The following SPOCK1 variants were observed in gnomAD, a reference collection of about 807,000 sequenced individuals.
SPOCK1 encodes testican-1.
In SPOCK1, 23 loss-of-function variants were observed where a neutral mutation model predicts 55.3. That is an observed-to-expected ratio of 0.42 (90% confidence interval 0.30 to 0.59). The LOEUF (loss-of-function observed/expected upper bound fraction) is 0.59, where lower values mean the gene tolerates loss of function less well. SPOCK1 is among the 20% of genes least tolerant of loss of function. The pLI, the probability that SPOCK1 is intolerant of heterozygous loss-of-function variation, is 0.22. For missense variants in SPOCK1, 499 were observed against 552.5 expected, an observed-to-expected ratio of 0.90 and a Z score of 0.97; for synonymous variants, 226 against 221.0, an observed-to-expected ratio of 1.02 and a Z score of -0.20.
chr5:137,491,061 G>A (rs1219524818), intron 2 of SPOCK1, among the ~76,000 whole-genome samples: 1 of 152,126 alleles, frequency 6.6e-6, no homozygotes, highest in African/African-American at 2.4e-5. Context: ...GCCACTCAAA[G>A]ATCACAAGTA....
intron 3 of SPOCK1, among the ~76,000 whole-genome samples, chr5:137,176,502 A>G (rs908670850): frequency 2.0e-5 from 3 of 150,412 alleles, no homozygotes; most frequent in South Asian, 2.1e-4. Flanking sequence ...CCCCACCACA[A>G]TGTGTGTGTG....
At chr5:137,316,204 G>A (rs2127144662) in intron 2 of SPOCK1, among the ~76,000 whole-genome samples, 1 of 152,358 alleles carries the variant, frequency 6.6e-6, no homozygotes, top group South Asian at 2.1e-4. Flanking sequence ...ATGCTACTGT[G>A]TGAAGCCTCT....
intron 2 of SPOCK1, among the ~76,000 whole-genome samples, chr5:137,425,815 T>C (rs755555841): frequency 2.0e-5 from 3 of 152,214 alleles, no homozygotes; most frequent in South Asian, 2.1e-4. Flanking sequence ...CACTATATTA[T>C]AGAATAGAAA....
At chr5:137,285,665 A>G (rs924213878) in intron 2 of SPOCK1, among the ~76,000 whole-genome samples, 6 of 152,350 alleles carry the variant, frequency 3.9e-5, no homozygotes, top group African/African-American at 1.2e-4. Context: ...GACATGAAAC[A>G]TGGAGCTGCC....
At chr5:137,079,829 C>G (rs546531488) in intron 5 of SPOCK1, among the ~76,000 whole-genome samples, 7 of 152,144 alleles carry the variant, frequency 4.6e-5, no homozygotes, top group Non-Finnish European at 1.0e-4. Context: ...GGACATGACC[C>G]TGACCACTCC....
chr5:137,248,796 T>C (rs770230636), intron 3 of SPOCK1, among the ~76,000 whole-genome samples: 1 of 152,240 alleles, frequency 6.6e-6, no homozygotes, highest in Non-Finnish European at 1.5e-5. Flanking sequence ...TAGACATCAA[T>C]TAATGTATAA....
intron 2 of SPOCK1, among the ~76,000 whole-genome samples, chr5:137,370,420 T>C (rs1398351250): frequency 6.6e-6 from 1 of 152,112 alleles, no homozygotes; most frequent in African/African-American, 2.4e-5. Context: ...CTAACAGGCA[T>C]TGGATGTCAA....
intron 3 of SPOCK1, among the ~76,000 whole-genome samples, chr5:137,155,697 CTG>C (rs1226493161): frequency 6.6e-6 from 1 of 152,228 alleles, no homozygotes; most frequent in Non-Finnish European, 1.5e-5. Context: ...AGATGTGTCT[CTG>C]TGTAATTCAA....
At chr5:137,455,953 A>C (rs1753357769) in intron 2 of SPOCK1, among the ~76,000 whole-genome samples, 3 of 152,106 alleles carry the variant, frequency 2.0e-5, no homozygotes, top group Admixed American at 6.5e-5. Context: ...ACTTGAGCCC[A>C]AGGATCCAAG....
At chr5:137,403,651 A>G (rs972356800) in intron 2 of SPOCK1, among the ~76,000 whole-genome samples, 3 of 146,174 alleles carry the variant, frequency 2.1e-5, no homozygotes, top group African/African-American at 7.6e-5. Flanking sequence ...TTGGTGAGGA[A>G]GTGAGAGAAT....
chr5:137,345,827 T>C (rs1256642163), intron 2 of SPOCK1, among the ~76,000 whole-genome samples: 1 of 152,160 alleles, frequency 6.6e-6, no homozygotes, highest in African/African-American at 2.4e-5. Flanking sequence ...GGAAGCCTCA[T>C]CTCTAAAAAG....
chr5:137,207,845 A>G (rs1292006739), intron 3 of SPOCK1, among the ~76,000 whole-genome samples: 1 of 152,150 alleles, frequency 6.6e-6, no homozygotes, highest in Admixed American at 6.5e-5. Flanking sequence ...ATTGGTTATT[A>G]TTTTTAATTA....
intron 3 of SPOCK1, among the ~76,000 whole-genome samples, chr5:137,242,722 G>GCT (rs1243206093): frequency 1.3e-5 from 2 of 152,060 alleles, no homozygotes; most frequent in East Asian, 3.9e-4. Flanking sequence ...TGGGTGACAG[G>GCT]GTGAAACCCT....
intron 5 of SPOCK1, among the ~76,000 whole-genome samples, chr5:137,093,295 TGAA>T (rs140536725): frequency 3.3e-5 from 5 of 152,308 alleles, no homozygotes; most frequent in Non-Finnish European, 7.4e-5. Context: ...CACTGGGGGC[TGAA>T]GAAGGGCAGG....
intron 2 of SPOCK1, among the ~76,000 whole-genome samples, chr5:137,288,409 T>C (rs141105146): frequency 1.3e-5 from 2 of 152,302 alleles, no homozygotes; most frequent in African/African-American, 4.8e-5. Context: ...ACCAGCACAG[T>C]GTCCTGAATC....
At chr5:137,480,816 C>T (rs1294739019) in intron 2 of SPOCK1, among the ~76,000 whole-genome samples, 1 of 152,052 alleles carries the variant, frequency 6.6e-6, no homozygotes, top group African/African-American at 2.4e-5. Flanking sequence ...TACCTCCTGG[C>T]TAAGGAGAAG....
rs376600223 is a variant in SPOCK1, at chr5:136,987,940, C to CT, written c.928+481dup. 2.4e-3 allele frequency among the ~76,000 whole-genome samples: 371 copies of CT among 152,280 alleles called. 2 individuals carry two copies. Among genetic ancestry groups the CT allele is most frequent in the African/African-American group, 8.5e-3 (354 of 41,574 alleles). Reference sequence around the variant, plus strand: ...TTCTTCTATTCCCCAAATCTTGCCTCTTTTTTTCATTAGCTGGAGTTTATT... The same window carrying CT: ...TTCTTCTATTCCCCAAATCTTGCCTCTTTTTTTTCATTAGCTGGAGTTTATT... On this transcript the variant is annotated intron_variant, in intron 8 of 10. Coordinates refer to ENST00000394945, the MANE Select transcript of SPOCK1 (RefSeq NM_004598.4).
intron 3 of SPOCK1, among the ~76,000 whole-genome samples, chr5:137,175,410 A>G (rs1225894786): frequency 2.6e-5 from 4 of 152,224 alleles, no homozygotes; most frequent in African/African-American, 4.8e-5. Context: ...TATAATTAGC[A>G]TTTAAGCTGC....
At chr5:137,497,555 CTGCTGGAAAG>C (rs780441335) in intron 2 of SPOCK1, among the ~76,000 whole-genome samples, 10 of 152,218 alleles carry the variant, frequency 6.6e-5, no homozygotes, top group Non-Finnish European at 2.9e-5. Context: ...GAGATGCCAT[CTGCTGGAAAG>C]ACTGCACCAG....
Sources: gnomAD v4.1 joint callset for allele counts (sites outside exome capture counted in the v4.1 genomes callset) on GRCh38, gnomAD v4.1.1 for gene constraint, MANE v1.5 for transcripts, NCBI Gene and HGNC (gene_info 2026-07-23, HGNC 2026-07-21) for gene names.